CELF2: variants seen among roughly 807,000 people sequenced by gnomAD.
CELF2 encodes the protein CUG triplet repeat RNA-binding protein 2.
In CELF2, 8 loss-of-function variants were observed where a neutral mutation model predicts 62.6. The observed-to-expected ratio is 0.13, with a 90% CI of 0.07 to 0.23. CELF2 has a LOEUF of 0.23. CELF2 is among the 10% of genes least tolerant of loss of function. CELF2 has a pLI of 1.00. For missense variants in CELF2, 333 were observed against 671.0 expected, an observed-to-expected ratio of 0.50 and a Z score of 5.56; for synonymous variants, 258 against 250.0, an observed-to-expected ratio of 1.03 and a Z score of -0.30.
chr10:10,834,601 G>A (rs1481283708), intron 1 of CELF2, among the ~76,000 whole-genome samples: 1 of 152,160 alleles, frequency 6.6e-6, no homozygotes, highest in African/African-American at 2.4e-5. Context: ...GATTGCAGAG[G>A]TGAATGACCA....
At chr10:10,870,962 G>A (rs891308447) in intron 1 of CELF2, among the ~76,000 whole-genome samples, 8 of 152,334 alleles carry the variant, frequency 5.3e-5, no homozygotes, top group African/African-American at 1.9e-4. Flanking sequence ...ACAAGAGGCA[G>A]TGTACGCTCC....
the CELF2 span, among the ~76,000 whole-genome samples, chr10:10,736,585 G>T: frequency 2.6e-5 from 4 of 151,800 alleles, no homozygotes; most frequent in African/African-American, 9.7e-5. Flanking sequence ...TTGTTTGTTT[G>T]TTCGTTGACT....
chr10:11,000,890 G>T (rs996546910), upstream of CELF2, among the ~76,000 whole-genome samples: 17 of 152,196 alleles, frequency 1.1e-4, no homozygotes, highest in African/African-American at 4.1e-4. Context: ...TCTGTCCCCA[G>T]TGCTGCCCTG....
the CELF2 span, among the ~76,000 whole-genome samples, chr10:10,715,539 C>T: frequency 5.3e-5 from 8 of 152,082 alleles, no homozygotes; most frequent in Non-Finnish European, 1.0e-4. Flanking sequence ...AATTATGATT[C>T]CTTTTATTGA....
At chr10:10,688,338 C>G in the CELF2 span, among the ~76,000 whole-genome samples, 1 of 152,164 alleles carries the variant, frequency 6.6e-6, no homozygotes, top group African/African-American at 2.4e-5. Flanking sequence ...GACAGTGAAG[C>G]AAAGCTATGA....
chr10:11,186,163 A>T lies in CELF2; in HGVS notation c.271+20481A>T, dbSNP rs149632814. Among the ~76,000 whole-genome samples, 701 of 152,306 alleles carry T rather than the reference A, an allele frequency of 4.6e-3. 6 individuals are homozygous for T. The highest frequency in any genetic ancestry group is 0.016 in the African/African-American group (669 of 41,580). On this transcript the variant is annotated intron_variant, in intron 2 of 12. Coordinates refer to ENST00000633077, the MANE Select transcript of CELF2 (RefSeq NM_001326342.2). ...CTTCTAATGTCTTCAAAATCTACACATAAAGACAGTTCTACTTGTCATGTC... is the reference window on the plus strand; with the variant it reads ...CTTCTAATGTCTTCAAAATCTACACTTAAAGACAGTTCTACTTGTCATGTC...
chr10:10,490,245 G>A, the CELF2 span, among the ~76,000 whole-genome samples: 3 of 152,204 alleles, frequency 2.0e-5, no homozygotes, highest in Non-Finnish European at 4.4e-5. Flanking sequence ...CCTATTATTC[G>A]AAGAGATAGG....
At chr10:10,676,362 G>A in the CELF2 span, among the ~76,000 whole-genome samples, 39,774 of 151,980 alleles carry the variant, frequency 0.26, 5,397 homozygotes, top group South Asian at 0.44. Flanking sequence ...GGTCAGTGGC[G>A]CTCTGATAAA....
chr10:10,670,177 CA>C, the CELF2 span, among the ~76,000 whole-genome samples: 1 of 152,180 alleles, frequency 6.6e-6, no homozygotes, highest in Non-Finnish European at 1.5e-5. Context: ...GCTGAGATTA[CA>C]GGCGTGAGCC....
the CELF2 span, among the ~76,000 whole-genome samples, chr10:10,574,669 A>G: frequency 6.6e-6 from 1 of 151,946 alleles, no homozygotes; most frequent in African/African-American, 2.4e-5. Context: ...CAACCCAAAC[A>G]TTGTAGCTGG....
rs1263209729 is a variant in CELF2 at position 11,223,733 on chromosome 10, C to T, written c.354+6226C>T. On this transcript the variant is annotated intron_variant, in intron 3 of 12. Transcript: ENST00000633077. This position sits in a 1 kb window ranked among gnomAD's most constrained non-coding sequence, Gnocchi z 5.1. ...GCAGAGTGTAGACCCAGCCCCAAGT[C>T]GGGCTCAGCCAGGTGCAACAGGATG... Among the ~76,000 whole-genome samples, 2 of 152,150 alleles carry T rather than the reference C, an allele frequency of 1.3e-5. No individual in the cohort carries two copies. Among genetic ancestry groups the T allele is most frequent in the East Asian group, 1.9e-4 (1 of 5,192 alleles).
chr10:10,794,651 C>G (rs1297673234), upstream of CELF2: 2 of 152,194 alleles, frequency 1.3e-5, no homozygotes, highest in African/African-American at 2.4e-5. Flanking sequence ...TACTAAGACA[C>G]CACACCTGTC....
chr10:11,135,014 T>C (rs1470007202), intron 1 of CELF2, among the ~76,000 whole-genome samples: 1 of 152,240 alleles, frequency 6.6e-6, no homozygotes, highest in Non-Finnish European at 1.5e-5. Context: ...TACCAGTGTT[T>C]GCACCTTCAC....
intron 2 of CELF2, among the ~76,000 whole-genome samples, chr10:10,960,623 A>G (rs1371806952): frequency 1.3e-5 from 2 of 152,222 alleles, no homozygotes; most frequent in African/African-American, 4.8e-5. Flanking sequence ...GTATCTTGCA[A>G]ATTGGTAATG....
intron 1 of CELF2, among the ~76,000 whole-genome samples, chr10:11,162,027 A>T (rs1164489483): frequency 6.6e-6 from 1 of 152,166 alleles, no homozygotes; most frequent in African/African-American, 2.4e-5. Flanking sequence ...CCAGAGCAGG[A>T]TTCATTTGGG....
chr10:11,273,478 C>T (rs1454404562), intron 7 of CELF2, among the ~76,000 whole-genome samples: 1 of 152,152 alleles, frequency 6.6e-6, no homozygotes, highest in Non-Finnish European at 1.5e-5. Flanking sequence ...AACCCCTGGT[C>T]TGGTGGGAAA....
chr10:10,857,639 CATATATATAGTAT>C (rs200735837), intron 1 of CELF2, among the ~76,000 whole-genome samples: 1,386 of 79,078 alleles, frequency 0.018, 46 homozygotes, highest in African/African-American at 0.065. Flanking sequence ...TGGTAAACTA[CATATATATAGTAT>C]ATATATATAT....
At chr10:11,200,250 T>C (rs909785248) in intron 2 of CELF2, among the ~76,000 whole-genome samples, 3 of 152,192 alleles carry the variant, frequency 2.0e-5, no homozygotes, top group African/African-American at 7.2e-5. Flanking sequence ...TGCATTCATA[T>C]TTATAGGTAG....
chr10:11,086,358 G>A (rs934015767), intron 1 of CELF2, among the ~76,000 whole-genome samples: 14 of 152,070 alleles, frequency 9.2e-5, no homozygotes, highest in African/African-American at 3.4e-4. Context: ...AGTGAGCTGC[G>A]TCTTTGTGTC....
Sources: allele counts gnomAD v4.1 joint callset (sites outside exome capture counted in the v4.1 genomes callset), GRCh38; gene constraint gnomAD v4.1.1; non-coding constraint Gnocchi (gnomAD v3.1); transcripts MANE v1.5; gene names NCBI Gene and HGNC (gene_info 2026-07-23, HGNC 2026-07-21).